NOL6: variants seen among roughly 807,000 people sequenced by gnomAD.
NOL6 encodes nucleolar RNA-associated protein.
NOL6 carries 33 observed loss-of-function variants against 131.7 expected under a neutral mutation model. The observed-to-expected ratio is 0.25, with a 90% CI of 0.19 to 0.33. NOL6 has a LOEUF of 0.33. NOL6 is among the 10% of genes least tolerant of loss of function. The pLI is 1.00. For synonymous variants in NOL6, 580 were observed against 605.7 expected (o/e 0.96, Z 0.62); for missense variants, 1,297 against 1,494.5 (o/e 0.87, Z 2.18).
rs868355148 is a variant in NOL6, at chr9:33,465,271, C to A, written c.2617G>T (p.Asp873Tyr). ...RAQLLGEGFADESLDLVAAAL... is the reference protein window; with the variant it reads ...RAQLLGEGFAYESLDLVAAAL... ...GCGGCCACCAGATCCAGGCTCTCAT[C>A]AGCGAAACCCTCACCAAGAAGCTGG... Residue 873 changes from aspartate (D) to tyrosine (Y), a missense_variant, in exon 20 of 26, where the codon GAT becomes TAT. Coordinates refer to ENST00000297990, the MANE Select transcript of NOL6 (RefSeq NM_022917.5). 6.3e-7 allele frequency: 1 copy of A among 1,597,406 alleles called. No individual in the cohort carries two copies. The highest frequency in any genetic ancestry group is 1.7e-5 in the Admixed American group (1 of 57,910).
intron 5 of NOL6, 38 bp downstream of exon 5, chr9:33,469,461 T>C: frequency 1.3e-6 from 2 of 1,591,892 alleles, no homozygotes; most frequent in Non-Finnish European, 1.7e-6. Context: ...AGATTTACCA[T>C]CCCATGCTAT....
At position 33,463,428 on chromosome 9, in the gene NOL6, G is replaced by T; in HGVS notation, c.3008C>A (p.Pro1003Gln). The T allele has an allele frequency of 6.2e-7, 1 of 1,611,764 alleles. No homozygotes were observed. Among genetic ancestry groups the T allele is most frequent in the Non-Finnish European group, 8.5e-7 (1 of 1,178,712 alleles). ...GPGDIRTVFRPPLDIYDVLIR... is the reference protein window; with the variant it reads ...GPGDIRTVFRQPLDIYDVLIR... ...CAGCACGTCGTAAATGTCCAAGGGCGGCCGGAACACTGTCTAAGGAAGGGG... is the reference window on the plus strand; with the variant it reads ...CAGCACGTCGTAAATGTCCAAGGGCTGCCGGAACACTGTCTAAGGAAGGGG... The change falls in exon 24 of 26, where the codon CCG becomes CAG. Residue 1003 changes from proline (P) to glutamine (Q), a missense_variant. Coordinates refer to ENST00000297990, the MANE Select transcript of NOL6 (RefSeq NM_022917.5).
rs765238753 is a variant in NOL6, at chr9:33,472,024, G to A, written c.358C>T (p.Pro120Ser). 5.6e-6 allele frequency: 9 copies of A among 1,612,012 alleles called. No homozygotes were observed. In the Admixed American group the frequency reaches 1.3e-4, roughly 24 times the overall value. The change falls in exon 3 of 26, where the codon CCC becomes TCC. Residue 120 changes from proline (P) to serine (S), a missense_variant. Pro to Ser is a moderately conservative substitution (Grantham distance 74). Transcript: ENST00000297990. Reference sequence around the variant, plus strand: ...CTTACCTCTGTCTCAGGGACTGAGGGCACCCTCACAACCCGCTGGTTGACC... The same window carrying A: ...CTTACCTCTGTCTCAGGGACTGAGGACACCCTCACAACCCGCTGGTTGACC... ...REVNQRVVRVPSVPETELTDQ... is the reference protein window; with the variant it reads ...REVNQRVVRVSSVPETELTDQ...
Position 33,467,640 on chromosome 9 carries a change from C to T in NOL6, c.1602+51G>A. On this transcript the variant is annotated intron_variant, in intron 12 of 25. Transcript: ENST00000297990. The surrounding 1 kb of genome is among the most constrained non-coding windows in gnomAD (Gnocchi z 4.4). ...GTGTGTCCTTTGTGTCTCTTGGGACCCTGGATCCAGCCCAACTCAGACCCA... is the reference window on the plus strand; with the variant it reads ...GTGTGTCCTTTGTGTCTCTTGGGACTCTGGATCCAGCCCAACTCAGACCCA... The T allele has an allele frequency of 2.6e-6, 4 of 1,547,894 alleles. No homozygotes were observed. Among genetic ancestry groups the T allele is most frequent in the Non-Finnish European group, 2.6e-6 (3 of 1,145,948 alleles).
intron 1 of NOL6, among the ~76,000 whole-genome samples, chr9:33,473,237 A>G (rs1378119317): frequency 6.6e-6 from 1 of 152,204 alleles, no homozygotes; most frequent in East Asian, 1.9e-4. Flanking sequence ...TAAATCCTCA[A>G]AATAATTCTT....
At chr9:33,464,299 G>A (rs1357159086) in intron 21 of NOL6, 138 bp from the exon 22 acceptor site, 7 of 1,066,118 alleles carry the variant, frequency 6.6e-6, no homozygotes, top group Non-Finnish European at 9.2e-6. Context: ...AAGTGGCAAA[G>A]GTGACGAAAG....
At position 33,467,598 on chromosome 9, in the gene NOL6, G is replaced by A. The variant is rs887626791; in HGVS notation, c.1603-82C>T. On this transcript the variant is annotated intron_variant, in intron 12 of 25. Coordinates refer to ENST00000297990, the MANE Select transcript of NOL6 (RefSeq NM_022917.5). This position sits in a 1 kb window ranked among gnomAD's most constrained non-coding sequence, Gnocchi z 4.4. Reference sequence around the variant, plus strand: ...ACCTACTTTCTAGCTAGCTAGAAACGCCTAGCTGGAGGAATGGTGTGTCCT... The same window carrying A: ...ACCTACTTTCTAGCTAGCTAGAAACACCTAGCTGGAGGAATGGTGTGTCCT... 2.0e-5 allele frequency: 31 copies of A among 1,578,508 alleles called. No individual in the cohort carries two copies. Among genetic ancestry groups the A allele is most frequent in the South Asian group, 1.2e-4 (10 of 86,150 alleles).
At chr9:33,468,449 C>T in intron 9 of NOL6, 27 bp from the exon 10 acceptor site, 1 of 1,613,732 alleles carries the variant, frequency 6.2e-7, no homozygotes, top group Non-Finnish European at 8.5e-7. Flanking sequence ...AGAAGCAGGT[C>T]AGGATTGGCA....
chr9:33,465,951 G>T lies in NOL6; in HGVS notation c.2365-54C>A. The stretch of plus-strand genomic sequence containing the variant: ...GATGTGTCAGCCCAGAACCCCGGGA[G>T]TACTCTGTGGCCTACAGCCCTATTA... On this transcript the variant is annotated intron_variant, in intron 18 of 25. Coordinates refer to ENST00000297990, the MANE Select transcript of NOL6 (RefSeq NM_022917.5). 1.9e-6 allele frequency: 3 copies of T among 1,591,300 alleles called. No homozygotes were observed. The South Asian group carries it at 3.4e-5, about 18-fold the overall frequency.
In NOL6 at chr9:33,469,489, T is replaced by C. The variant is rs776882251; in HGVS notation, c.727+10A>G. On this transcript the variant is annotated intron_variant, in intron 5 of 25. Coordinates refer to ENST00000297990, the MANE Select transcript of NOL6 (RefSeq NM_022917.5). ...CATGCTATGCCCTCAGCCCAATGTG[T>C]GCCTCTCACCACGCGGCCGCAGCAA... The C allele has an allele frequency of 2.8e-5, 45 of 1,599,860 alleles. 1 individual carries two copies. In the East Asian group the frequency reaches 9.6e-4, roughly 34 times the overall value.
In NOL6 at chr9:33,469,357, A is replaced by G; in HGVS notation, c.728-16T>C. 2 of 1,613,952 alleles carry G rather than the reference A, an allele frequency of 1.2e-6. No homozygotes were observed. Among genetic ancestry groups the G allele is most frequent in the Non-Finnish European group, 1.7e-6 (2 of 1,179,978 alleles). On this transcript the variant is annotated splice_polypyrimidine_tract_variant and intron_variant, in intron 5 of 25. Coordinates refer to ENST00000297990, the MANE Select transcript of NOL6 (RefSeq NM_022917.5). ...TCATCCTTTCCTGCCAGAGACAGTG[A>G]GTGCTGAGACTCTGCAGGAGCCCTT...
In NOL6 at chr9:33,462,406, T is replaced by C. The variant is rs962091361; in HGVS notation, c.*258A>G. 3 of 616,720 alleles carry C rather than the reference T, an allele frequency of 4.9e-6. No individual in the cohort carries two copies. The highest frequency in any genetic ancestry group is 8.7e-6 in the Non-Finnish European group (3 of 344,380). 38.2% of individuals were successfully genotyped at this position (616,720 alleles called of 1,614,324 possible). A position where few individuals can be genotyped will look rare whatever the true frequency, so the allele number is the denominator to read the frequency against. ...GGATGGATCTCCTGGGTTCAGTTCC[T>C]TCTCTGAGCTGGCTCCCACTCCTCT... On this transcript the variant is annotated 3_prime_UTR_variant, in exon 26 of 26. Coordinates refer to ENST00000297990, the MANE Select transcript of NOL6 (RefSeq NM_022917.5).
intron 8 of NOL6, 89 bp from the exon 9 acceptor site, chr9:33,468,655 ATCTG>A: frequency 6.2e-7 from 1 of 1,607,888 alleles, no homozygotes; most frequent in Non-Finnish European, 8.5e-7. Context: ...CAGTTTGCTC[ATCTG>A]TCTGATGGCA....
rs1429932480 is a variant in NOL6, at chr9:33,462,500, G to A, written c.*164C>T. 1 of 761,804 alleles carries A rather than the reference G, an allele frequency of 1.3e-6. No individual in the cohort carries two copies. The highest frequency in any genetic ancestry group is 1.8e-5 in the South Asian group (1 of 54,548). The allele number at this position is 761,804 out of a possible 1,614,324, so 47.2% of individuals were successfully genotyped here. ...CCTGCCCCAATGCTGGAGCATCAGAGAGAAAGTTGGGGCTGGGTTTTGTTG... is the reference window on the plus strand; with the variant it reads ...CCTGCCCCAATGCTGGAGCATCAGAAAGAAAGTTGGGGCTGGGTTTTGTTG... On this transcript the variant is annotated 3_prime_UTR_variant, in exon 26 of 26. Transcript: ENST00000297990.
Position 33,468,095 on chromosome 9 carries a change from G to A in NOL6, c.1359C>T (p.Asp453=), listed in dbSNP as rs548686142. The change falls in exon 11 of 26, where the codon GAC becomes GAT. Residue 453 remains aspartate (D), a synonymous_variant. Transcript: ENST00000297990. The stretch of plus-strand genomic sequence containing the variant: ...TCATCAACAGCAGGTGGAACCCGTC[G>A]TCAGCTCTGCTGTCCAGCAACATCA... ...LSMMLLDSRA[D]DGFHLLLMTP... The A allele has an allele frequency of 7.4e-5, 119 of 1,614,130 alleles. No homozygotes were observed. The highest frequency in any genetic ancestry group is 2.0e-4 in the African/African-American group (15 of 75,026).
At chr9:33,462,952 G>A (rs1827138125) in intron 25 of NOL6, 81 bp downstream of exon 25, 2 of 1,537,890 alleles carry the variant, frequency 1.3e-6, no homozygotes, top group African/African-American at 1.4e-5. Context: ...TTGCCCATAG[G>A]ACAGACTACA....
chr9:33,473,893 C>T lies in NOL6; in HGVS notation c.-51G>A, dbSNP rs577449644. 6.2e-6 allele frequency: 10 copies of T among 1,601,108 alleles called. No individual in the cohort carries two copies. The Admixed American group carries it at 6.7e-5, about 11-fold the overall frequency. Reference sequence around the variant, plus strand: ...ACTTCAGATTCTAGCCGGGTCTATACCTCATAGCTTCCCACGTGGGCGGAA... The same window carrying T: ...ACTTCAGATTCTAGCCGGGTCTATATCTCATAGCTTCCCACGTGGGCGGAA... On this transcript the variant is annotated 5_prime_UTR_variant, in exon 1 of 26. Coordinates refer to ENST00000297990, the MANE Select transcript of NOL6 (RefSeq NM_022917.5).
Position 33,467,746 on chromosome 9 carries a change from T to A in NOL6, c.1547A>T (p.Gln516Leu). Reference protein sequence around the residue: ...ALGPLTTLLEQGLGARLNLLA... With the variant: ...ALGPLTTLLELGLGARLNLLA... Reference sequence around the variant, plus strand: ...CAGGTTCAGCCGAGCCCCCAGGCCCTGCTCCAGGAGGGTGGTCAGGGGGCC... The same window carrying A: ...CAGGTTCAGCCGAGCCCCCAGGCCCAGCTCCAGGAGGGTGGTCAGGGGGCC... The change falls in exon 12 of 26, where the codon CAG becomes CTG. Residue 516 changes from glutamine to leucine, a missense_variant. Transcript: ENST00000297990. The surrounding 1 kb of genome is among the most constrained non-coding windows in gnomAD (Gnocchi z 4.4). 6.2e-7 allele frequency: 1 copy of A among 1,606,818 alleles called. No individual in the cohort carries two copies. The highest frequency in any genetic ancestry group is 8.5e-7 in the Non-Finnish European group (1 of 1,176,644).
chr9:33,473,571 A>C (rs928179165), intron 1 of NOL6, among the ~76,000 whole-genome samples: 1 of 152,184 alleles, frequency 6.6e-6, no homozygotes, highest in African/African-American at 2.4e-5. Context: ...GCTCCAGAAG[A>C]GAGCAGAGGC....
Sources: allele counts gnomAD v4.1 joint callset (sites outside exome capture counted in the v4.1 genomes callset), GRCh38; gene constraint gnomAD v4.1.1; non-coding constraint Gnocchi (gnomAD v3.1); transcripts MANE v1.5; gene names NCBI Gene and HGNC (gene_info 2026-07-23, HGNC 2026-07-21).